COP1: variants seen among roughly 807,000 people sequenced by gnomAD.
COP1 encodes E3 ubiquitin-protein ligase COP1.
Under a neutral mutation model 101.3 loss-of-function variants are expected in COP1, and 24 were observed. The observed-to-expected ratio is 0.24, with a 90% CI of 0.17 to 0.33. COP1 has a LOEUF of 0.33. Among genes scored for constraint, COP1 ranks in the 10% least tolerant of loss-of-function variants. The probability of loss-of-function intolerance (pLI) is 1.00; values close to 1 mark genes in which losing one functional copy is unlikely to be tolerated. For missense variants in COP1, 663 were observed against 906.2 expected (o/e 0.73, Z 3.45); for synonymous variants, 347 against 341.9 (o/e 1.01, Z -0.17).
intron 18 of COP1, among the ~76,000 whole-genome samples, chr1:175,964,757 G>C (rs1182565503): frequency 1.3e-5 from 2 of 152,292 alleles, no homozygotes; most frequent in South Asian, 4.1e-4. Flanking sequence ...GGAGGGCACA[G>C]AACAGTGAGA....
In COP1 at chr1:176,081,036, A is replaced by C. The variant is rs1043875767; in HGVS notation, c.1277+116T>G. 8.9e-6 allele frequency: 8 copies of C among 896,900 alleles called. No homozygotes were observed. The African/African-American group carries it at 1.2e-4, about 14-fold the overall frequency. 55.6% of individuals were successfully genotyped at this position (896,900 alleles called of 1,614,324 possible). On this transcript the variant is annotated intron_variant, in intron 11 of 19. Coordinates refer to ENST00000367669, the MANE Select transcript of COP1 (RefSeq NM_022457.7). ...CTTGCCTAAAATCACAGAACTAATA[A>C]TTGGCAGGCTACTTCAGAACCCACG... is the stretch of plus-strand genomic sequence containing the variant.
At chr1:176,021,607 T>C (rs1389480529) in intron 15 of COP1, among the ~76,000 whole-genome samples, 3 of 152,164 alleles carry the variant, frequency 2.0e-5, no homozygotes, top group Non-Finnish European at 4.4e-5. Flanking sequence ...GGCATGTAAA[T>C]ATTGCAAATA....
chr1:176,069,333 T>C (rs1012721966), intron 11 of COP1, among the ~76,000 whole-genome samples: 10 of 152,230 alleles, frequency 6.6e-5, no homozygotes, highest in Admixed American at 3.3e-4. Context: ...TAGGAATTCA[T>C]TAAAGAAAAC....
intron 18 of COP1, among the ~76,000 whole-genome samples, chr1:175,950,012 C>A (rs913873220): frequency 6.6e-6 from 1 of 152,032 alleles, no homozygotes; most frequent in Non-Finnish European, 1.5e-5. Context: ...AGTTGGATTA[C>A]CACACAAGAG....
chr1:176,151,877 A>C (rs558918232), intron 5 of COP1, among the ~76,000 whole-genome samples: 2 of 152,114 alleles, frequency 1.3e-5, no homozygotes, highest in African/African-American at 4.8e-5. Flanking sequence ...TTTAGTTAGC[A>C]TAAGTTCATC....
At chr1:176,149,307 T>C (rs1033724609) in intron 5 of COP1, among the ~76,000 whole-genome samples, 13 of 152,044 alleles carry the variant, frequency 8.6e-5, no homozygotes, top group Admixed American at 5.2e-4. Context: ...ACATCCCTTA[T>C]CTAACATGCT....
intron 15 of COP1, among the ~76,000 whole-genome samples, chr1:176,014,326 G>C (rs1665240983): frequency 6.6e-6 from 1 of 152,204 alleles, no homozygotes; most frequent in South Asian, 2.1e-4. Context: ...TGCAAGTTCA[G>C]AGAAAGTGAT....
At chr1:175,969,347 C>A (rs1191468273) in intron 18 of COP1, among the ~76,000 whole-genome samples, 1 of 152,138 alleles carries the variant, frequency 6.6e-6, no homozygotes, top group Non-Finnish European at 1.5e-5. Context: ...AAGACCTTCT[C>A]CCACACTTCT....
chr1:176,005,154 T>C (rs146522126), intron 15 of COP1, among the ~76,000 whole-genome samples: 73,318 of 151,846 alleles, frequency 0.48, 17,963 homozygotes, highest in Admixed American at 0.54. Flanking sequence ...GTGTTTGTAG[T>C]ATTCTCTGAT....
At chr1:176,183,284 G>A (rs933995594) in intron 2 of COP1, among the ~76,000 whole-genome samples, 6 of 152,052 alleles carry the variant, frequency 3.9e-5, no homozygotes, top group Non-Finnish European at 8.8e-5. Context: ...ATAAAATTAC[G>A]GGCCTGATTT....
intron 5 of COP1, among the ~76,000 whole-genome samples, chr1:176,149,462 G>T (rs1308628783): frequency 2.6e-5 from 4 of 152,058 alleles, no homozygotes; most frequent in Non-Finnish European, 5.9e-5. Context: ...TCCATGAGAA[G>T]TTCATTTGCA....
chr1:175,991,618 T>C lies in COP1; in HGVS notation c.1730-2139A>G, dbSNP rs149019265. 2.0e-3 allele frequency among the ~76,000 whole-genome samples: 307 copies of C among 152,344 alleles called. 1 individual carries two copies. The highest frequency in any genetic ancestry group is 0.012 in the South Asian group (59 of 4,832). On this transcript the variant is annotated intron_variant, in intron 15 of 19. Coordinates refer to ENST00000367669, the MANE Select transcript of COP1 (RefSeq NM_022457.7). The stretch of plus-strand genomic sequence containing the variant: ...AAACTTAAAAAATTTTTAAAGCTTT[T>C]TGACTCTTGTAATAACACTTAGCTT...
At chr1:176,202,753 T>C (rs1239641122) in intron 1 of COP1, among the ~76,000 whole-genome samples, 2 of 152,122 alleles carry the variant, frequency 1.3e-5, no homozygotes, top group Admixed American at 1.3e-4. Flanking sequence ...ATGTAATTAA[T>C]AGGTAATGGC....
At chr1:175,946,674 A>G (rs1649211591) in intron 19 of COP1, among the ~76,000 whole-genome samples, 1 of 152,180 alleles carries the variant, frequency 6.6e-6, no homozygotes. Flanking sequence ...AATCACATCT[A>G]TCAATTTTCA....
At chr1:175,978,962 CCTGAGGTAG>C (rs1224794658) in intron 18 of COP1, among the ~76,000 whole-genome samples, 2 of 151,990 alleles carry the variant, frequency 1.3e-5, no homozygotes, top group African/African-American at 4.8e-5. Flanking sequence ...TTTGTTTCTT[CCTGAGGTAG>C]GTGAGGGATC....
At chr1:175,968,606 G>C in intron 18 of COP1, 1 of 428,796 alleles carries the variant, frequency 2.3e-6, no homozygotes, top group Non-Finnish European at 4.6e-6. Context: ...TTAACTAACT[G>C]CATCAAATTC....
chr1:176,202,577 A>G (rs1398725113), intron 1 of COP1, among the ~76,000 whole-genome samples: 3 of 152,002 alleles, frequency 2.0e-5, no homozygotes, highest in Non-Finnish European at 2.9e-5. Context: ...ACCCGTCTCT[A>G]ATCCCCGCTG....
intron 18 of COP1, among the ~76,000 whole-genome samples, chr1:175,983,886 G>T (rs961640405): frequency 6.6e-6 from 1 of 152,206 alleles, no homozygotes; most frequent in African/African-American, 2.4e-5. Flanking sequence ...GTCCTTGAGA[G>T]AGATGAGTTA....
chr1:176,122,643 A>G (rs1163394341), intron 8 of COP1, among the ~76,000 whole-genome samples: 1 of 152,204 alleles, frequency 6.6e-6, no homozygotes, highest in Non-Finnish European at 1.5e-5. Flanking sequence ...TCTTCTTTTA[A>G]TTAGTACATG....
Sources: gnomAD v4.1 joint callset for allele counts (sites outside exome capture counted in the v4.1 genomes callset) on GRCh38, gnomAD v4.1.1 for gene constraint, MANE v1.5 for transcripts, NCBI Gene and HGNC (gene_info 2026-07-23, HGNC 2026-07-21) for gene names.